Variants in PPP2R5D observed in about 807,000 individuals in gnomAD.
The protein encoded by PPP2R5D is protein phosphatase 2 regulatory subunit B'delta, also known as serine/threonine-protein phosphatase 2A 56 kDa regulatory subunit delta isoform.
PPP2R5D carries 12 observed loss-of-function variants against 79.1 expected under a neutral mutation model. The observed-to-expected ratio is 0.15, with a 90% confidence interval of 0.10 to 0.25. The LOEUF (loss-of-function observed/expected upper bound fraction) is 0.25. PPP2R5D is among the 10% of genes least tolerant of loss of function. PPP2R5D has a pLI of 1.00. For synonymous variants in PPP2R5D, 277 were observed against 286.6 expected (o/e 0.97, Z 0.34); for missense variants, 419 against 760.2 (o/e 0.55, Z 5.28).
intron 2 of PPP2R5D, among the ~76,000 whole-genome samples, chr6:42,992,204 C>T (rs1771312127): frequency 6.6e-6 from 1 of 152,286 alleles, no homozygotes; most frequent in African/African-American, 2.4e-5. Context: ...GGACTACAGG[C>T]TCCCGCCACC....
rs201134632 is a variant in PPP2R5D at position 42,989,968 on chromosome 6, CA to C, written c.105+285del. Among the ~76,000 whole-genome samples the C allele has an allele frequency of 9.9e-3, 1,500 of 152,090 alleles. 27 individuals carry two copies. Among genetic ancestry groups the C allele is most frequent in the African/African-American group, 0.034 (1,396 of 41,506 alleles). Reference sequence around the variant, plus strand: ...TGTTGAGAATTCCTTTTTCTTAGGGCAAAAAGCGGGAGGTTCTGGGATCCTG... The same window carrying C: ...TGTTGAGAATTCCTTTTTCTTAGGGCAAAAGCGGGAGGTTCTGGGATCCTG... On this transcript the variant is annotated intron_variant, in intron 2 of 15. Transcript: ENST00000485511.
intron 2 of PPP2R5D, among the ~76,000 whole-genome samples, chr6:43,002,338 T>A (rs1761787821): frequency 6.6e-6 from 1 of 152,150 alleles, no homozygotes; most frequent in Non-Finnish European, 1.5e-5. Context: ...TAATTTTTTG[T>A]ATCTTTAGTA....
In PPP2R5D at chr6:43,006,249, TG is replaced by T. The variant is rs1187362146; in HGVS notation, c.106-211del. ...TTAAAGGCTCTTGATGCACAAGCAG[TG>T]GGCATCTCTTTGGGTGATGTGACTT... On this transcript the variant is annotated intron_variant, in intron 2 of 15. Transcript: ENST00000485511. The surrounding 1 kb of genome is among the most constrained non-coding windows in gnomAD (Gnocchi z 4.7). 6.6e-6 allele frequency among the ~76,000 whole-genome samples: 1 copy of T among 152,222 alleles called. No homozygotes were observed. The highest frequency in any genetic ancestry group is 1.5e-5 in the Non-Finnish European group (1 of 68,042).
rs781752811 is a variant in PPP2R5D at position 42,984,698 on chromosome 6, G to A, written c.21G>A (p.Lys7=). 3 of 1,612,236 alleles carry A rather than the reference G, an allele frequency of 1.9e-6. No individual in the cohort carries two copies. The highest frequency in any genetic ancestry group is 1.1e-5 in the South Asian group (1 of 90,798). ...CCGAGATGCCCTATAAACTGAAAAA[G>A]GAGAAGGTGAGCGTGGCCCTTTTTC... is the stretch of plus-strand genomic sequence containing the variant. MPYKLK[K]EKEPPKVAKC... The change falls in exon 1 of 16, where the codon AAG becomes AAA. Residue 7 remains lysine (K), a synonymous_variant. Coordinates refer to ENST00000485511, the MANE Select transcript of PPP2R5D (RefSeq NM_006245.4).
At chr6:42,997,573 G>C (rs191663276) in intron 2 of PPP2R5D, among the ~76,000 whole-genome samples, 1 of 151,682 alleles carries the variant, frequency 6.6e-6, no homozygotes, top group African/African-American at 2.4e-5. Context: ...ACAATGGCGC[G>C]ATCTCAGCTC....
intron 1 of PPP2R5D, among the ~76,000 whole-genome samples, chr6:42,988,254 A>C (rs1356584138): frequency 6.6e-6 from 1 of 152,228 alleles, no homozygotes; most frequent in Non-Finnish European, 1.5e-5. Flanking sequence ...GCACAATCTC[A>C]GAGCTGGAAG....
intron 2 of PPP2R5D, among the ~76,000 whole-genome samples, chr6:42,990,459 T>C (rs530721011): frequency 6.6e-6 from 1 of 152,268 alleles, no homozygotes; most frequent in Non-Finnish European, 1.5e-5. Flanking sequence ...GGACAGGTCT[T>C]ATGGTTTTTT....
Position 43,001,434 on chromosome 6 carries a change from C to T in PPP2R5D, c.106-5029C>T, listed in dbSNP as rs146712007. ...GATTGCAGGCATGAGCCACTGTGCC[C>T]GGCCAGGATCCCCCATTTTTAAATG... On this transcript the variant is annotated intron_variant, in intron 2 of 15. Transcript: ENST00000485511. 6.7e-3 allele frequency among the ~76,000 whole-genome samples: 1,014 copies of T among 152,246 alleles called. 4 individuals carry two copies. The highest frequency in any genetic ancestry group is 0.01 in the Middle Eastern group (3 of 294).
rs751013445 is a variant in PPP2R5D, at chr6:43,008,268, G to A, written c.917+8G>A. ...CCTGGAGATCCTGGGCAGGTGAGAG[G>A]CCGGGTGGGGGCACAGATGCCTGAA... On this transcript the variant is annotated splice_region_variant and intron_variant, in intron 8 of 15. Transcript: ENST00000485511. This position sits in a 1 kb window ranked among gnomAD's most constrained non-coding sequence, Gnocchi z 4.2. The A allele has an allele frequency of 1.7e-5, 27 of 1,614,076 alleles. No homozygotes were observed. The South Asian group carries it at 3.0e-4, about 18-fold the overall frequency.
At chr6:42,989,711 T>C in intron 2 of PPP2R5D, 23 bp downstream of exon 2, 1 of 1,602,946 alleles carries the variant, frequency 6.2e-7, no homozygotes, top group South Asian at 1.1e-5. Flanking sequence ...GGCGTAGCCT[T>C]AGATGTGGTG....
At chr6:42,995,953 C>T (rs1771640584) in intron 2 of PPP2R5D, among the ~76,000 whole-genome samples, 1 of 150,798 alleles carries the variant, frequency 6.6e-6, no homozygotes, top group Non-Finnish European at 1.5e-5. Flanking sequence ...CTCCGCCCCC[C>T]GGGGTTCACG....
At chr6:42,998,054 T>C (rs1336764130) in intron 2 of PPP2R5D, among the ~76,000 whole-genome samples, 4 of 23,460 alleles carry the variant, frequency 1.7e-4, no homozygotes, top group African/African-American at 3.9e-4. Flanking sequence ...TATATATATA[T>C]ATATTTTTTT....
At chr6:42,996,235 G>A (rs1422099083) in intron 2 of PPP2R5D, among the ~76,000 whole-genome samples, 1 of 150,010 alleles carries the variant, frequency 6.7e-6, no homozygotes, top group Non-Finnish European at 1.5e-5. Context: ...AGGCCGAGGC[G>A]GGGCGGATCA....
chr6:43,010,138 C>T lies in PPP2R5D; in HGVS notation c.1380-330C>T, dbSNP rs969942137. Among the ~76,000 whole-genome samples, 11 of 150,948 alleles carry T rather than the reference C, an allele frequency of 7.3e-5. No homozygotes were observed. Among genetic ancestry groups the T allele is most frequent in the African/African-American group, 2.4e-4 (10 of 40,940 alleles). ...AAGCACACTGTGGTGTAGATGCAGT[C>T]TGTCATGCTGCATCTACATGCCCAT... On this transcript the variant is annotated intron_variant, in intron 12 of 15. Transcript: ENST00000485511. The surrounding 1 kb of genome is among the most constrained non-coding windows in gnomAD (Gnocchi z 4.7).
rs766389129 is a variant in PPP2R5D, at chr6:43,009,287, G to A, written c.1252-35G>A. 1.6e-5 allele frequency: 26 copies of A among 1,613,876 alleles called. No homozygotes were observed. Among genetic ancestry groups the A allele is most frequent in the Admixed American group, 1.0e-4 (6 of 59,984 alleles). Reference sequence around the variant, plus strand: ...CAGAAACTGAGGTCTTGAGTGAAATGAGCAGCACCCACCGAGTCTGCCTCT... The same window carrying A: ...CAGAAACTGAGGTCTTGAGTGAAATAAGCAGCACCCACCGAGTCTGCCTCT... On this transcript the variant is annotated intron_variant, in intron 11 of 15. Coordinates refer to ENST00000485511, the MANE Select transcript of PPP2R5D (RefSeq NM_006245.4). The surrounding 1 kb of genome is among the most constrained non-coding windows in gnomAD (Gnocchi z 5.6).
At chr6:42,984,845 C>T (rs1770708963) in intron 1 of PPP2R5D, 141 bp downstream of exon 1, 1 of 1,332,658 alleles carries the variant, frequency 7.5e-7, no homozygotes, top group Non-Finnish European at 1.0e-6. Context: ...CCCTCCGCCC[C>T]CGCGGCTGGC....
intron 1 of PPP2R5D, among the ~76,000 whole-genome samples, chr6:42,988,787 A>C (rs1022583953): frequency 6.6e-6 from 1 of 152,274 alleles, no homozygotes; most frequent in Non-Finnish European, 1.5e-5. Context: ...ATGGAAGGTC[A>C]CATGAGCTGC....
intron 2 of PPP2R5D, among the ~76,000 whole-genome samples, chr6:42,998,030 TATATATATATATATATATATATATA>T: frequency 1.1e-4 from 2 of 17,400 alleles, no homozygotes; most frequent in Non-Finnish European, 3.1e-4. Context: ...TATATATATA[TATATATATATATATATATATATATA>T]TATTTTTTTT....
intron 2 of PPP2R5D, among the ~76,000 whole-genome samples, chr6:42,999,072 G>C (rs1771994004): frequency 6.6e-6 from 1 of 152,092 alleles, no homozygotes; most frequent in Non-Finnish European, 1.5e-5. Context: ...AGTGAAACTG[G>C]GCAGGACAAA....
Sources: gnomAD v4.1 joint callset for allele counts (sites outside exome capture counted in the v4.1 genomes callset) on GRCh38, gnomAD v4.1.1 for gene constraint, Gnocchi (gnomAD v3.1) non-coding constraint, MANE v1.5 for transcripts, NCBI Gene and HGNC (gene_info 2026-07-23, HGNC 2026-07-21) for gene names.